Variants in ARHGAP17 observed in about 807,000 individuals in gnomAD.
The protein encoded by ARHGAP17 is Rho GTPase activating protein 17.
A neutral mutation model predicts 99.5 loss-of-function variants in ARHGAP17; 57 were observed. That is an observed-to-expected ratio of 0.57 (90% CI 0.46 to 0.71). ARHGAP17 has a LOEUF of 0.71. ARHGAP17 is among the 30% of genes least tolerant of loss of function. ARHGAP17 has a pLI of 0.00. For synonymous variants in ARHGAP17, 417 were observed against 429.6 expected (o/e 0.97, Z 0.36); for missense variants, 1,000 against 1,122.4 (o/e 0.89, Z 1.56).
At chr16:24,937,884 T>C (rs2051185432) in intron 17 of ARHGAP17, among the ~76,000 whole-genome samples, 1 of 152,208 alleles carries the variant, frequency 6.6e-6, no homozygotes, top group Non-Finnish European at 1.5e-5. Flanking sequence ...TTACTTCATA[T>C]ATGATCATTC....
chr16:24,934,117 T>C (rs889352737), intron 18 of ARHGAP17, among the ~76,000 whole-genome samples: 1 of 152,214 alleles, frequency 6.6e-6, no homozygotes, highest in African/African-American at 2.4e-5. Context: ...TGTAGTGCTT[T>C]GTAAAGACCA....
chr16:24,939,352 CA>C lies in ARHGAP17; in HGVS notation c.1724+11del. ...TCCAGCCTCCACTGCCAGCAGAAGTCAGCCTCCTTACCTGCCGTCGCCTGGG... is the reference window on the plus strand; with the variant it reads ...TCCAGCCTCCACTGCCAGCAGAAGTCGCCTCCTTACCTGCCGTCGCCTGGG... On this transcript the variant is annotated intron_variant, in intron 17 of 19. Coordinates refer to ENST00000289968, the MANE Select transcript of ARHGAP17 (RefSeq NM_001006634.3). 6.3e-7 allele frequency: 1 copy of C among 1,585,788 alleles called. No homozygotes were observed. The highest frequency in any genetic ancestry group is 8.5e-7 in the Non-Finnish European group (1 of 1,172,818).
intron 2 of ARHGAP17, among the ~76,000 whole-genome samples, chr16:24,978,743 C>G (rs2052588529): frequency 6.6e-6 from 1 of 151,974 alleles, no homozygotes; most frequent in South Asian, 2.1e-4. Context: ...CAAAGCTAAC[C>G]AGCGCAGACG....
At chr16:24,950,800 G>A (rs910065220) in intron 12 of ARHGAP17, among the ~76,000 whole-genome samples, 1 of 134,834 alleles carries the variant, frequency 7.4e-6, no homozygotes, top group Admixed American at 8.6e-5. Context: ...CTGTGCCACT[G>A]CACTCCAGCC....
intron 1 of ARHGAP17, among the ~76,000 whole-genome samples, chr16:25,014,394 G>A (rs2053726128): frequency 6.6e-6 from 1 of 152,202 alleles, no homozygotes; most frequent in Admixed American, 6.5e-5. Context: ...ATCATTTCTT[G>A]TTCTGACAAC....
intron 9 of ARHGAP17, chr16:24,956,595 G>C (rs1247275172): frequency 6.6e-6 from 1 of 152,262 alleles, no homozygotes; most frequent in Non-Finnish European, 1.5e-5. Context: ...GAGTCGGATA[G>C]GTAGCACAGG....
At chr16:24,982,315 A>G (rs928418187) in intron 1 of ARHGAP17, among the ~76,000 whole-genome samples, 20 of 152,130 alleles carry the variant, frequency 1.3e-4, no homozygotes, top group African/African-American at 4.6e-4. Flanking sequence ...GAGGCACGAG[A>G]ATTGCTTGAA....
rs780829391 is a variant in ARHGAP17 at position 24,939,464 on chromosome 16, G to A, written c.1624C>T (p.Pro542Ser). The A allele has an allele frequency of 6.2e-7, 1 of 1,611,274 alleles. No homozygotes were observed. ...TCAGCCCTAGAGCTCTGGGGAGGGG[G>A]CTCTGGGCCAGCGGGCACCACGGTG... ...GSTVVPAGPE[P>S]PPQSSRAESS... The change falls in exon 17 of 20, where the codon CCC becomes TCC. Residue 542 changes from proline (P) to serine (S), a missense_variant. This residue lies in a region of ARHGAP17 where 528 missense variants were observed against 511.4 expected (regional missense o/e 1.03). Transcript: ENST00000289968.
rs114717429 is a variant in ARHGAP17, at chr16:24,969,275, C to T, written c.273-503G>A. Among the ~76,000 whole-genome samples, 339 of 151,896 alleles carry T rather than the reference C, an allele frequency of 2.2e-3. 3 individuals are homozygous for T. Among genetic ancestry groups the T allele is most frequent in the African/African-American group, 7.9e-3 (327 of 41,360 alleles). On this transcript the variant is annotated intron_variant, in intron 4 of 19. Coordinates refer to ENST00000289968, the MANE Select transcript of ARHGAP17 (RefSeq NM_001006634.3). ...TGCAGCTGATATCATACAAAGTACACGTGCAGTGATATAACTCCACAGTCT... is the reference window on the plus strand; with the variant it reads ...TGCAGCTGATATCATACAAAGTACATGTGCAGTGATATAACTCCACAGTCT...
chr16:24,920,105 G>C lies in ARHGAP17; in HGVS notation c.*25C>G. 6.2e-7 allele frequency: 1 copy of C among 1,609,180 alleles called. No individual in the cohort carries two copies. Among genetic ancestry groups the C allele is most frequent in the Non-Finnish European group, 8.5e-7 (1 of 1,176,388 alleles). On this transcript the variant is annotated 3_prime_UTR_variant, in exon 20 of 20. Transcript: ENST00000289968. ...TGCTCCACTCGCCAGGGTGGAAGTG[G>C]TGGAGGGCTGGGAAAGGGCTTTCTT...
At chr16:25,015,081 G>C (rs1298164511) in intron 1 of ARHGAP17, 128 bp downstream of exon 1, 1 of 943,610 alleles carries the variant, frequency 1.1e-6, no homozygotes, top group African/African-American at 1.8e-5. Flanking sequence ...CCCGTGCCCC[G>C]CTGGTCTCGG....
intron 1 of ARHGAP17, among the ~76,000 whole-genome samples, chr16:24,999,399 T>TTTTATGTA (rs1555470527): frequency 6.7e-6 from 1 of 149,390 alleles, no homozygotes; most frequent in Admixed American, 6.6e-5. Context: ...TCTACAGGTG[T>TTTTATGTA]TTTATTTATT....
intron 9 of ARHGAP17, chr16:24,957,666 T>A (rs969042864): frequency 1.3e-5 from 2 of 152,244 alleles, no homozygotes; most frequent in African/African-American, 4.8e-5. Context: ...TTTGCTCTTT[T>A]TTCCTAAACA....
At chr16:24,974,460 G>C (rs961343135) in intron 3 of ARHGAP17, among the ~76,000 whole-genome samples, 2 of 152,078 alleles carry the variant, frequency 1.3e-5, no homozygotes, top group African/African-American at 4.8e-5. Context: ...AAAATGCTTA[G>C]CATCTCGGTT....
At chr16:24,965,218 C>T (rs1227035588) in intron 6 of ARHGAP17, among the ~76,000 whole-genome samples, 2 of 152,318 alleles carry the variant, frequency 1.3e-5, no homozygotes, top group East Asian at 1.9e-4. Context: ...CGCCTGTAAT[C>T]CCAGCACTTT....
At chr16:25,007,157 T>C (rs1308208141) in intron 1 of ARHGAP17, among the ~76,000 whole-genome samples, 1 of 152,202 alleles carries the variant, frequency 6.6e-6, no homozygotes, top group East Asian at 1.9e-4. Flanking sequence ...GATAAATAAG[T>C]TTAAAGTTTC....
chr16:24,977,355 C>T lies in ARHGAP17; in HGVS notation c.94-36G>A. ...AGAGACAAAAGAGAACAAATTCATC[C>T]TCTTTCTTTTGTGGTGTCTGCATGC... On this transcript the variant is annotated intron_variant, in intron 2 of 19. Coordinates refer to ENST00000289968, the MANE Select transcript of ARHGAP17 (RefSeq NM_001006634.3). 2.0e-6 allele frequency: 3 copies of T among 1,525,740 alleles called. No homozygotes were observed. In the Admixed American group the frequency reaches 5.5e-5, roughly 28 times the overall value. The allele number at this position is 1,525,740 out of a possible 1,614,324, so 94.5% of individuals were successfully genotyped here.
chr16:24,994,837 A>C (rs1790597978), intron 1 of ARHGAP17, among the ~76,000 whole-genome samples: 1 of 152,188 alleles, frequency 6.6e-6, no homozygotes, highest in African/African-American at 2.4e-5. Flanking sequence ...CCTAATCCTC[A>C]AGACAACCAT....
At chr16:24,929,291 A>G (rs2050920525) in intron 19 of ARHGAP17, among the ~76,000 whole-genome samples, 1 of 151,906 alleles carries the variant, frequency 6.6e-6, no homozygotes, top group African/African-American at 2.4e-5. Context: ...TCAGCCACTC[A>G]AAGTACTGGG....
Sources: allele counts gnomAD v4.1 joint callset (sites outside exome capture counted in the v4.1 genomes callset), GRCh38; gene constraint gnomAD v4.1.1; regional missense constraint gnomAD v4.1.1; transcripts MANE v1.5; gene names NCBI Gene and HGNC (gene_info 2026-07-23, HGNC 2026-07-21).